CACNA1C: variants seen among roughly 807,000 people sequenced by gnomAD.
CACNA1C encodes the protein calcium voltage-gated channel subunit alpha1 C.
In CACNA1C, 30 loss-of-function variants were observed where a neutral mutation model predicts 229.0. The observed-to-expected ratio is 0.13, with a 90% CI of 0.10 to 0.18. CACNA1C has a LOEUF of 0.18. Ranked by LOEUF, CACNA1C falls within the 10% of genes least tolerant of loss-of-function variation. The pLI is 1.00. For synonymous variants in CACNA1C, 1,114 were observed against 1,132.5 expected (o/e 0.98, Z 0.33); for missense variants, 1,658 against 2,845.0 (o/e 0.58, Z 9.49).
At chr12:2,005,251 T>C (rs2043185239) in intron 1 of CACNA1C, among the ~76,000 whole-genome samples, 1 of 152,208 alleles carries the variant, frequency 6.6e-6, no homozygotes, top group Non-Finnish European at 1.5e-5. Context: ...TGGGTACAAT[T>C]CTTTTTAACA....
intron 3 of CACNA1C, among the ~76,000 whole-genome samples, chr12:2,418,589 G>T (rs537935519): frequency 1.3e-5 from 2 of 151,902 alleles, no homozygotes; most frequent in East Asian, 3.9e-4. Context: ...AAAGGCTCTT[G>T]TGTTATGTTC....
intron 24 of CACNA1C, among the ~76,000 whole-genome samples, chr12:2,606,295 C>T (rs1418369807): frequency 6.6e-6 from 1 of 152,056 alleles, no homozygotes; most frequent in East Asian, 1.9e-4. Flanking sequence ...CCCCGCTCCC[C>T]TCCACTGTGT....
At chr12:2,247,380 C>T (rs368610916) in intron 3 of CACNA1C, among the ~76,000 whole-genome samples, 4 of 152,246 alleles carry the variant, frequency 2.6e-5, no homozygotes, top group East Asian at 3.9e-4. Context: ...ACTCCTTTTC[C>T]GGGTGGGTTT....
At position 2,215,185 on chromosome 12, in the gene CACNA1C, G is replaced by A. The variant is rs2059678741; in HGVS notation, c.477+94755G>A. On this transcript the variant is annotated intron_variant, in intron 3 of 46. Transcript: ENST00000399655. The surrounding 1 kb of genome is among the most constrained non-coding windows in gnomAD (Gnocchi z 5.0). Reference sequence around the variant, plus strand: ...TGAGACATCAGAGACATGTCAATCTGAGTCCCTTTGCTTGGATTTAATCTG... The same window carrying A: ...TGAGACATCAGAGACATGTCAATCTAAGTCCCTTTGCTTGGATTTAATCTG... 6.6e-6 allele frequency among the ~76,000 whole-genome samples: 1 copy of A among 152,212 alleles called. No individual in the cohort carries two copies. Among genetic ancestry groups the A allele is most frequent in the African/African-American group, 2.4e-5 (1 of 41,454 alleles).
Position 2,410,166 on chromosome 12 carries a change from T to C in CACNA1C, c.478-38810T>C, listed in dbSNP as rs2098790932. On this transcript the variant is annotated intron_variant, in intron 3 of 46. Transcript: ENST00000399655. This position sits in a 1 kb window ranked among gnomAD's most constrained non-coding sequence, Gnocchi z 5.3. Reference sequence around the variant, plus strand: ...CTCATGCATTCTGTTCCCACTCCAATCTGCCAGAGGGACAGGGTCCTTCCC... The same window carrying C: ...CTCATGCATTCTGTTCCCACTCCAACCTGCCAGAGGGACAGGGTCCTTCCC... Among the ~76,000 whole-genome samples, 1 of 152,212 alleles carries C rather than the reference T, an allele frequency of 6.6e-6. No individual in the cohort carries two copies. The highest frequency in any genetic ancestry group is 2.4e-5 in the African/African-American group (1 of 41,458).
At position 2,597,469 on chromosome 12, in the gene CACNA1C, T is replaced by C. The variant is rs754873801; in HGVS notation, c.2853+180T>C. 1.2e-6 allele frequency: 2 copies of C among 1,608,988 alleles called. No individual in the cohort carries two copies. The highest frequency in any genetic ancestry group is 1.7e-6 in the Non-Finnish European group (2 of 1,175,380). On this transcript the variant is annotated intron_variant, in intron 21 of 46. Coordinates refer to ENST00000399655, the MANE Select transcript of CACNA1C (RefSeq NM_000719.7). This position sits in a 1 kb window ranked among gnomAD's most constrained non-coding sequence, Gnocchi z 4.3. ...GCAATGCAGACTATGTCTTCACTAG[T>C]ATCTTTACATTAGAAATTATCCTTA...
At chr12:2,061,677 C>G (rs2057561266) in intron 1 of CACNA1C, among the ~76,000 whole-genome samples, 1 of 152,192 alleles carries the variant, frequency 6.6e-6, no homozygotes, top group Admixed American at 6.5e-5. Flanking sequence ...GCTTCGGCCT[C>G]AAGTCCAAAG....
Position 2,665,742 on chromosome 12 carries a change from G to T in CACNA1C, c.4526+34G>T. 1 of 1,601,040 alleles carries T rather than the reference G, an allele frequency of 6.2e-7. No homozygotes were observed. Among genetic ancestry groups the T allele is most frequent in the East Asian group, 2.2e-5 (1 of 44,456 alleles). ...CCAGAGGGAAATCCTGATTCCCCAA[G>T]CTGAGAGAGGGTATAGCTGACCATA... On this transcript the variant is annotated intron_variant, in intron 36 of 46. Transcript: ENST00000399655. This position sits in a 1 kb window ranked among gnomAD's most constrained non-coding sequence, Gnocchi z 5.9.
intron 1 of CACNA1C, among the ~76,000 whole-genome samples, chr12:2,085,645 G>A (rs1044108548): frequency 1.3e-5 from 2 of 152,096 alleles, no homozygotes; most frequent in Non-Finnish European, 2.9e-5. Flanking sequence ...ACTCTGATCC[G>A]TCTTGCCTAT....
At chr12:2,080,282 A>AAAAACAAAT (rs1555137545) in intron 1 of CACNA1C, among the ~76,000 whole-genome samples, 1 of 151,740 alleles carries the variant, frequency 6.6e-6, no homozygotes, top group East Asian at 1.9e-4. Context: ...CAAAAACAAA[A>AAAAACAAAT]AAAACAAATA....
At chr12:2,650,165 T>A (rs893067957) in intron 31 of CACNA1C, among the ~76,000 whole-genome samples, 1 of 152,174 alleles carries the variant, frequency 6.6e-6, no homozygotes, top group Non-Finnish European at 1.5e-5. Context: ...TTCTCCTGTT[T>A]GGAAGATCTG....
intron 3 of CACNA1C, among the ~76,000 whole-genome samples, chr12:2,158,316 C>T (rs572168295): frequency 2.0e-5 from 3 of 152,296 alleles, no homozygotes; most frequent in South Asian, 2.1e-4. Flanking sequence ...CAGTGGCTCA[C>T]GCCTGTAATC....
At chr12:2,261,674 A>G (rs532702037) in intron 3 of CACNA1C, among the ~76,000 whole-genome samples, 14 of 152,340 alleles carry the variant, frequency 9.2e-5, no homozygotes, top group Admixed American at 5.2e-4. Flanking sequence ...AGCACTATTT[A>G]CTAGGAGATA....
At chr12:2,085,315 G>A (rs538395515) in intron 1 of CACNA1C, among the ~76,000 whole-genome samples, 24 of 152,250 alleles carry the variant, frequency 1.6e-4, no homozygotes, top group Middle Eastern at 3.4e-3. Flanking sequence ...ACCACCATTG[G>A]TAGGATTATG....
At chr12:2,510,294 C>T (rs1437379434) in intron 8 of CACNA1C, among the ~76,000 whole-genome samples, 1 of 152,168 alleles carries the variant, frequency 6.6e-6, no homozygotes, top group African/African-American at 2.4e-5. Flanking sequence ...GCACTGCCAC[C>T]AGCAGATCCT....
At chr12:2,182,657 G>A (rs191512353) in intron 3 of CACNA1C, among the ~76,000 whole-genome samples, 6 of 152,214 alleles carry the variant, frequency 3.9e-5, no homozygotes, top group East Asian at 3.9e-4. Context: ...ACATTTGTCC[G>A]GTGCTCACTG....
chr12:2,333,850 A>G (rs778740780), intron 3 of CACNA1C, among the ~76,000 whole-genome samples: 27 of 152,224 alleles, frequency 1.8e-4, no homozygotes, highest in Non-Finnish European at 2.1e-4. Flanking sequence ...AGGGTCTCAC[A>G]AGAACTCCCT....
intron 1 of CACNA1C, among the ~76,000 whole-genome samples, chr12:1,981,521 T>C (rs113285810): frequency 6.6e-6 from 1 of 152,166 alleles, no homozygotes; most frequent in Non-Finnish European, 1.5e-5. Context: ...TAAGCACAAC[T>C]AGTAATTGCC....
intron 3 of CACNA1C, among the ~76,000 whole-genome samples, chr12:2,257,140 G>T (rs929829611): frequency 1.3e-5 from 2 of 152,212 alleles, no homozygotes; most frequent in Non-Finnish European, 2.9e-5. Context: ...ACAGAGGAAT[G>T]AACACAGTTG....
Sources: allele counts gnomAD v4.1 joint callset (sites outside exome capture counted in the v4.1 genomes callset), GRCh38; gene constraint gnomAD v4.1.1; non-coding constraint Gnocchi (gnomAD v3.1); transcripts MANE v1.5; gene names NCBI Gene and HGNC (gene_info 2026-07-23, HGNC 2026-07-21).